PDE4DIP: variants seen among roughly 807,000 people sequenced by gnomAD.
PDE4DIP encodes the protein myomegalin.
Under a neutral mutation model 221.4 loss-of-function variants are expected in PDE4DIP, and 59 were observed. The ratio of observed to expected loss-of-function variants is 0.27; its 90% confidence interval spans 0.22 to 0.33. The LOEUF (loss-of-function observed/expected upper bound fraction) is 0.33. Ranked by LOEUF, PDE4DIP falls within the 10% of genes least tolerant of loss-of-function variation. PDE4DIP has a pLI of 1.00. For synonymous variants in PDE4DIP, 404 were observed against 815.9 expected (o/e 0.50, Z 8.60); for missense variants, 1,036 against 2,154.2 (o/e 0.48, Z 10.28).
At chr1:148,822,337 G>C (rs1340189503) in intron 1 of PDE4DIP, among the ~76,000 whole-genome samples, 1 of 122,076 alleles carries the variant, frequency 8.2e-6, no homozygotes, top group South Asian at 2.9e-4. Flanking sequence ...GACCCCGGCT[G>C]CATAGCAGGA....
At chr1:148,829,019 C>T (rs1220920363) in intron 1 of PDE4DIP, among the ~76,000 whole-genome samples, 1 of 28,746 alleles carries the variant, frequency 3.5e-5, no homozygotes, top group Non-Finnish European at 7.0e-5. Context: ...CCTGCATAAA[C>T]ACACACACAC....
exon 7 of PDE4DIP, chr1:148,961,877 A>G (rs1553510784): frequency 1.2e-6 from 2 of 1,600,468 alleles, no homozygotes; most frequent in African/African-American, 1.3e-5. Flanking sequence ...TATGAACTAA[A>G]GTGTGCTCAG....
intron 5 of PDE4DIP, chr1:148,952,023 C>G (rs1478397730): frequency 1.0e-6 from 1 of 1,003,602 alleles, no homozygotes; most frequent in South Asian, 4.7e-5. Context: ...GGCGCTGCCC[C>G]GCTGGCAGCC....
At chr1:148,973,193 A>G (rs1244137074) in intron 16 of PDE4DIP, among the ~76,000 whole-genome samples, 1 of 146,490 alleles carries the variant, frequency 6.8e-6, no homozygotes. Context: ...TTTTTTTGAG[A>G]CGGAGTCTCG....
At chr1:148,968,920 G>A (rs2058675511) in exon 14 of PDE4DIP, 4 of 1,613,644 alleles carry the variant, frequency 2.5e-6, no homozygotes, top group Non-Finnish European at 3.4e-6. Flanking sequence ...ACAGCGAAAG[G>A]AAAGGATGCT....
intron 9 of PDE4DIP, among the ~76,000 whole-genome samples, chr1:148,963,255 T>C (rs1553514346): frequency 1.3e-5 from 2 of 152,208 alleles, no homozygotes; most frequent in East Asian, 1.9e-4. Context: ...ATCATAGTTA[T>C]CTATGCACAG....
In PDE4DIP at chr1:148,970,084, AT is replaced by A. The variant is rs2058931214; in HGVS notation, c.1980+1057del. ...AAAACTCTTAGTTGACTTGTGCTGC[AT>A]TTCAGATACCAGTAGCTCAGAATCC... On this transcript the variant is annotated intron_variant, in intron 14 of 43. Transcript: ENST00000369354. 7.9e-5 allele frequency among the ~76,000 whole-genome samples: 12 copies of A among 151,686 alleles called. No individual in the cohort carries two copies. The South Asian group carries it at 2.5e-3, about 32-fold the overall frequency.
chr1:148,919,811 C>T (rs1473773479), intron 1 of PDE4DIP, among the ~76,000 whole-genome samples: 251 of 149,852 alleles, frequency 1.7e-3, no homozygotes, highest in Non-Finnish European at 1.9e-3. Context: ...TTAAAAATTC[C>T]TTTAGTTTAC....
At chr1:148,814,092 A>C (rs587671055) in intron 1 of PDE4DIP, among the ~76,000 whole-genome samples, 1 of 12,672 alleles carries the variant, frequency 7.9e-5, no homozygotes, top group Non-Finnish European at 1.6e-4. Context: ...CCATCTTTAG[A>C]CTAATACCAA....
intron 3 of PDE4DIP, among the ~76,000 whole-genome samples, chr1:148,869,934 A>G (rs1688554276): frequency 2.5e-5 from 2 of 79,610 alleles, no homozygotes; most frequent in Non-Finnish European, 4.8e-5. Context: ...AACTTTTGAC[A>G]GAAAAAAAAA....
chr1:148,930,047 T>C (rs2047525833), intron 2 of PDE4DIP: 1 of 151,814 alleles, frequency 6.6e-6, no homozygotes, highest in African/African-American at 2.4e-5. Flanking sequence ...CAGTCCGTGA[T>C]AGGGAGAAGA....
upstream of PDE4DIP, among the ~76,000 whole-genome samples, chr1:148,884,964 C>T (rs1443366852): frequency 4.7e-5 from 7 of 148,526 alleles, no homozygotes; most frequent in Non-Finnish European, 1.0e-4. Flanking sequence ...TCTTGTGTAT[C>T]GATTAAGTTG....
At chr1:148,907,077 A>G (rs1336604211) in intron 1 of PDE4DIP, among the ~76,000 whole-genome samples, 15 of 150,882 alleles carry the variant, frequency 9.9e-5, no homozygotes, top group Admixed American at 4.6e-4. Context: ...CAAAAAAACA[A>G]TAGTTACTTC....
intron 2 of PDE4DIP, 26 bp downstream of exon 5, chr1:148,929,299 C>G (rs1558839772): frequency 6.3e-7 from 1 of 1,581,574 alleles, no homozygotes; most frequent in Non-Finnish European, 8.7e-7. Context: ...AAGCTCTGGT[C>G]CTTTCCAGAG....
In PDE4DIP at chr1:149,030,025, G is replaced by A. The variant is rs2076276167; in HGVS notation, c.6952+100G>A. The A allele has an allele frequency of 1.2e-5, 8 of 684,164 alleles. No homozygotes were observed. The Admixed American group carries it at 2.1e-4, about 18-fold the overall frequency. 42.4% of individuals were successfully genotyped at this position (684,164 alleles called of 1,614,324 possible). On this transcript the variant is annotated intron_variant, in intron 42 of 43. Coordinates refer to ENST00000369354, the Ensembl canonical transcript of PDE4DIP. Reference sequence around the variant, plus strand: ...GTGACCAGGGGGGCTTGGGGATGTTGGGAGTTGAGACTGATTTGATGTCCC... The same window carrying A: ...GTGACCAGGGGGGCTTGGGGATGTTAGGAGTTGAGACTGATTTGATGTCCC...
chr1:148,980,387 G>A (rs782337581), intron 20 of PDE4DIP, among the ~76,000 whole-genome samples: 4 of 151,760 alleles, frequency 2.6e-5, no homozygotes, highest in Admixed American at 6.6e-5. Context: ...GCGAGACTCC[G>A]TCTCAAAAAA....
exon 2 of PDE4DIP, chr1:148,929,243 A>T: frequency 6.2e-7 from 1 of 1,613,540 alleles, no homozygotes; most frequent in Non-Finnish European, 8.5e-7. Context: ...CGAGAACTCC[A>T]GGACAAGAAA....
intron 37 of PDE4DIP, among the ~76,000 whole-genome samples, chr1:149,022,303 G>C: frequency 6.8e-6 from 1 of 147,826 alleles, no homozygotes; most frequent in Admixed American, 6.8e-5. Flanking sequence ...GCGCACAATG[G>C]TGTGGACCAG....
At position 148,978,905 on chromosome 1, in the gene PDE4DIP, G is replaced by A. The variant is rs1181092770; in HGVS notation, c.2574+490G>A. On this transcript the variant is annotated intron_variant, in intron 19 of 43. Coordinates refer to ENST00000369354, the Ensembl canonical transcript of PDE4DIP. Reference sequence around the variant, plus strand: ...TAGATGCCCCTTTCTGACATTTGTAGTTCTGAAAAGAGCAGCAGTTCTTTT... The same window carrying A: ...TAGATGCCCCTTTCTGACATTTGTAATTCTGAAAAGAGCAGCAGTTCTTTT... Among the ~76,000 whole-genome samples the A allele has an allele frequency of 2.0e-5, 3 of 151,988 alleles. No individual in the cohort carries two copies. In the East Asian group the frequency reaches 5.8e-4, roughly 29 times the overall value.
Sources: gnomAD v4.1 joint callset for allele counts (sites outside exome capture counted in the v4.1 genomes callset) on GRCh38, gnomAD v4.1.1 for gene constraint, MANE v1.5 for transcripts, NCBI Gene and HGNC (gene_info 2026-07-23, HGNC 2026-07-21) for gene names.